AFF3: variants seen among roughly 807,000 people sequenced by gnomAD.
AFF3 encodes ALF transcription elongation factor 3.
AFF3 carries 32 observed loss-of-function variants against 129.7 expected under a neutral mutation model. That is an observed-to-expected ratio of 0.25 (90% CI 0.19 to 0.33). The LOEUF (loss-of-function observed/expected upper bound fraction) is 0.33. Among genes scored for constraint, AFF3 ranks in the 10% least tolerant of loss-of-function variants. The probability of loss-of-function intolerance (pLI) is 1.00; values close to 1 mark genes in which losing one functional copy is unlikely to be tolerated. For missense variants in AFF3, 1,373 were observed against 1,592.0 expected (o/e 0.86, Z 2.34); for synonymous variants, 644 against 635.4 (o/e 1.01, Z -0.20).
In AFF3 at chr2:99,904,830, G is replaced by A. The variant is rs61096583; in HGVS notation, c.874-67306C>T. ...TTCTCTCTGCAAAACTAACATAGGT[G>A]GGTCCTCTTTTTCAGGGCCCCTTAG... On this transcript the variant is annotated intron_variant, in intron 7 of 24. Coordinates refer to ENST00000672756, the MANE Select transcript of AFF3 (RefSeq NM_001386135.1). Among the ~76,000 whole-genome samples, 742 of 152,172 alleles carry A rather than the reference G, an allele frequency of 4.9e-3. 4 individuals are homozygous for A. The highest frequency in any genetic ancestry group is 0.017 in the African/African-American group (694 of 41,530).
chr2:99,644,201 T>C (rs182888739), intron 13 of AFF3, among the ~76,000 whole-genome samples: 1 of 152,344 alleles, frequency 6.6e-6, no homozygotes, highest in African/African-American at 2.4e-5. Flanking sequence ...TGGTGATGCA[T>C]CTCCAAGGCT....
intron 11 of AFF3, among the ~76,000 whole-genome samples, chr2:99,721,443 C>T (rs931405189): frequency 2.0e-5 from 3 of 151,278 alleles, no homozygotes; most frequent in Non-Finnish European, 4.4e-5. Context: ...GCAGGACAAT[C>T]GCTTGAACCT....
At position 100,136,057 on chromosome 2, in the gene AFF3, G is replaced by A. The variant is rs537508689; in HGVS notation, c.-228+6427C>T. 2.5e-4 allele frequency among the ~76,000 whole-genome samples: 38 copies of A among 152,298 alleles called. 2 individuals carry two copies. In the South Asian group the frequency reaches 4.6e-3, roughly 18 times the overall value. The stretch of plus-strand genomic sequence containing the variant: ...CTTCGTGGGGATGTGAGAAAACTGT[G>A]GGAGGAACAGGGCTGGAGTTAGAGA... On this transcript the variant is annotated intron_variant, in intron 1 of 24. Transcript: ENST00000672756.
chr2:99,968,102 T>C (rs1311314502), intron 7 of AFF3, among the ~76,000 whole-genome samples: 1 of 152,122 alleles, frequency 6.6e-6, no homozygotes, highest in Non-Finnish European at 1.5e-5. Context: ...TGTCCCGAGT[T>C]CCCTCATCCT....
chr2:99,660,426 G>T (rs1686125051), intron 12 of AFF3, among the ~76,000 whole-genome samples: 1 of 152,200 alleles, frequency 6.6e-6, no homozygotes, highest in Non-Finnish European at 1.5e-5. Context: ...GATTAGGAAA[G>T]ATTCTCCTAA....
intron 11 of AFF3, among the ~76,000 whole-genome samples, chr2:99,703,399 G>C (rs377185294): frequency 4.3e-4 from 65 of 152,272 alleles, no homozygotes; most frequent in African/African-American, 1.3e-3. Flanking sequence ...TTTTCTAGAA[G>C]TTCGAATGCA....
At chr2:100,124,609 A>G (rs1692110089) in intron 2 of AFF3, among the ~76,000 whole-genome samples, 1 of 151,470 alleles carries the variant, frequency 6.6e-6, no homozygotes, top group African/African-American at 2.4e-5. Flanking sequence ...AGAAATTTAC[A>G]ACATGGCAAT....
chr2:99,884,231 T>A (rs78266048), intron 7 of AFF3, among the ~76,000 whole-genome samples: 14,037 of 152,276 alleles, frequency 0.092, 1,006 homozygotes, highest in Non-Finnish European at 0.13. Context: ...GGGGTTACGA[T>A]GTGGTGTTCT....
In AFF3 at chr2:99,950,937, C is replaced by T. The variant is rs370403631; in HGVS notation, c.873+55695G>A. On this transcript the variant is annotated intron_variant, in intron 7 of 24. Transcript: ENST00000672756. ...ATCCAAACACACGTGCCTGTGTGCA[C>T]ACACATACACATATGTCCCTTTATC... is the stretch of plus-strand genomic sequence containing the variant. Among the ~76,000 whole-genome samples the T allele has an allele frequency of 1.4e-3, 216 of 152,292 alleles. 8 individuals carry two copies. In the South Asian group the frequency reaches 0.044, roughly 31 times the overall value.
At position 100,011,873 on chromosome 2, in the gene AFF3, G is replaced by A. The variant is rs183530668; in HGVS notation, c.54-2941C>T. 2.6e-5 allele frequency among the ~76,000 whole-genome samples: 4 copies of A among 152,208 alleles called. No homozygotes were observed. The East Asian group carries it at 7.7e-4, about 29-fold the overall frequency. On this transcript the variant is annotated intron_variant, in intron 4 of 24. Transcript: ENST00000672756. ...ATATCAGACCCAATACATTTCCAGG[G>A]TCTGGGAGTTATGAGTCATGTCCTA...
chr2:99,841,553 A>G (rs562670766), intron 7 of AFF3, among the ~76,000 whole-genome samples: 1 of 152,334 alleles, frequency 6.6e-6, no homozygotes, highest in South Asian at 2.1e-4. Context: ...TTTTCAGAAC[A>G]CTGAGAAATG....
intron 4 of AFF3, among the ~76,000 whole-genome samples, chr2:100,027,134 A>T (rs1684116879): frequency 6.6e-6 from 1 of 152,142 alleles, no homozygotes; most frequent in South Asian, 2.1e-4. Context: ...GTTTCCACAA[A>T]CCTATCCTAT....
At chr2:99,656,829 G>A (rs536518228) in intron 12 of AFF3, among the ~76,000 whole-genome samples, 60 of 151,986 alleles carry the variant, frequency 3.9e-4, no homozygotes, top group Middle Eastern at 6.8e-3. Flanking sequence ...TTGCATTTTC[G>A]GATTCCTAGA....
chr2:99,551,734 C>T, intron 24 of AFF3, 139 bp from the exon 25 acceptor site: 2 of 1,087,574 alleles, frequency 1.8e-6, no homozygotes, highest in Non-Finnish European at 1.3e-6. Context: ...CTTTAGCATT[C>T]CTTTGAACAA....
chr2:99,767,308 G>A (rs1386555312), intron 8 of AFF3, among the ~76,000 whole-genome samples: 1 of 152,222 alleles, frequency 6.6e-6, no homozygotes, highest in African/African-American at 2.4e-5. Context: ...TGGTTCTGAT[G>A]GGTCTAATTA....
intron 13 of AFF3, among the ~76,000 whole-genome samples, chr2:99,614,225 C>T (rs1681200183): frequency 6.6e-6 from 1 of 152,072 alleles, no homozygotes; most frequent in Non-Finnish European, 1.5e-5. Flanking sequence ...TTCTATTGGC[C>T]GTAGGGAACA....
At chr2:99,599,172 C>T (rs544782564) in intron 14 of AFF3, among the ~76,000 whole-genome samples, 2 of 152,386 alleles carry the variant, frequency 1.3e-5, no homozygotes, top group African/African-American at 2.4e-5. Context: ...CCTTTCATCA[C>T]CCAGGAGTTC....
At chr2:99,662,965 C>G (rs1170965978) in intron 12 of AFF3, among the ~76,000 whole-genome samples, 1 of 152,138 alleles carries the variant, frequency 6.6e-6, no homozygotes, top group Non-Finnish European at 1.5e-5. Context: ...AATAAATTTT[C>G]ACAGGCCAAG....
chr2:99,825,553 G>A (rs1378545262), intron 8 of AFF3, among the ~76,000 whole-genome samples: 2 of 152,166 alleles, frequency 1.3e-5, no homozygotes, highest in Non-Finnish European at 2.9e-5. Context: ...ATTAGCAGTG[G>A]AAACAGTTTT....
Sources: allele counts gnomAD v4.1 joint callset (sites outside exome capture counted in the v4.1 genomes callset), GRCh38; gene constraint gnomAD v4.1.1; transcripts MANE v1.5; gene names NCBI Gene and HGNC (gene_info 2026-07-23, HGNC 2026-07-21).